The following TASP1 variants were observed in gnomAD, a reference collection of about 807,000 sequenced individuals.
TASP1 encodes the protein taspase 1.
In TASP1, 16 loss-of-function variants were observed where a neutral mutation model predicts 56.6. That is an observed-to-expected ratio of 0.28 (90% CI 0.19 to 0.43). TASP1 has a LOEUF of 0.43. TASP1 is among the 20% of genes least tolerant of loss of function. The probability of loss-of-function intolerance (pLI) is 1.00; values close to 1 mark genes in which losing one functional copy is unlikely to be tolerated. For synonymous variants in TASP1, 179 were observed against 184.2 expected (o/e 0.97, Z 0.23); for missense variants, 393 against 511.6 (o/e 0.77, Z 2.24).
At chr20:13,266,292 G>A in the TASP1 span, among the ~76,000 whole-genome samples, 2 of 152,176 alleles carry the variant, frequency 1.3e-5, no homozygotes, top group Non-Finnish European at 2.9e-5. Flanking sequence ...GTAAGAAGAG[G>A]ATATTTTTAT....
chr20:13,449,681 G>A (rs1264329220), intron 11 of TASP1, among the ~76,000 whole-genome samples: 1 of 152,078 alleles, frequency 6.6e-6, no homozygotes, highest in East Asian at 1.9e-4. Flanking sequence ...TCACTTTGAT[G>A]ATTGTACTGA....
the TASP1 span, among the ~76,000 whole-genome samples, chr20:13,340,429 T>C: frequency 6.6e-6 from 1 of 152,168 alleles, no homozygotes; most frequent in South Asian, 2.1e-4. Context: ...TTCTAACTGA[T>C]ACTCCCAACT....
rs1196714115 is a variant in TASP1, at chr20:13,630,013, A to G, written c.66T>C (p.Ala22=). The part of the protein sequence containing the change: ...GLPSRSSQVS[A]GKITAKELET... The stretch of plus-strand genomic sequence containing the variant: ...CCAACTCTTTGGCTGTTATTTTACC[A>G]GCCGAAACCTGAGATGATCTGGAAG... The change falls in exon 2 of 14, where the codon GCT becomes GCC. Residue 22 remains alanine (A), a synonymous_variant. Coordinates refer to ENST00000337743, the MANE Select transcript of TASP1 (RefSeq NM_017714.3). The G allele has an allele frequency of 1.9e-6, 3 of 1,614,054 alleles. No individual in the cohort carries two copies. Among genetic ancestry groups the G allele is most frequent in the Admixed American group, 3.3e-5 (2 of 59,992 alleles).
At chr20:13,183,761 G>A in the TASP1 span, among the ~76,000 whole-genome samples, 1 of 152,160 alleles carries the variant, frequency 6.6e-6, no homozygotes, top group Admixed American at 6.5e-5. Context: ...CGGGCGTGGT[G>A]GCTCACGCCT....
intron 1 of TASP1, among the ~76,000 whole-genome samples, chr20:13,637,001 T>C (rs1309961732): frequency 6.6e-6 from 1 of 152,204 alleles, no homozygotes; most frequent in Admixed American, 6.5e-5. Flanking sequence ...TTGCAAATCA[T>C]GTATCTGGAA....
At chr20:13,584,821 T>C (rs983166400) in intron 5 of TASP1, among the ~76,000 whole-genome samples, 1 of 152,078 alleles carries the variant, frequency 6.6e-6, no homozygotes, top group Non-Finnish European at 1.5e-5. Flanking sequence ...TCATATGAAA[T>C]AGACAAATTC....
At chr20:13,237,637 G>C in the TASP1 span, among the ~76,000 whole-genome samples, 1 of 152,170 alleles carries the variant, frequency 6.6e-6, no homozygotes, top group South Asian at 2.1e-4. Flanking sequence ...GGTTGCCTAG[G>C]TGTCTTCAGT....
chr20:13,153,896 G>A, the TASP1 span: 2 of 1,425,712 alleles, frequency 1.4e-6, no homozygotes, highest in Non-Finnish European at 1.9e-6. Context: ...CTCCCAGCTA[G>A]TGCTGCTGGC....
chr20:13,567,457 A>C (rs1235931462), intron 7 of TASP1, among the ~76,000 whole-genome samples: 1 of 152,190 alleles, frequency 6.6e-6, no homozygotes, highest in Non-Finnish European at 1.5e-5. Flanking sequence ...AATAAAATAC[A>C]GAAAATGTGA....
intron 7 of TASP1, among the ~76,000 whole-genome samples, chr20:13,560,092 A>G (rs899764503): frequency 1.3e-5 from 2 of 152,234 alleles, no homozygotes; most frequent in Non-Finnish European, 2.9e-5. Flanking sequence ...AATCAATAAA[A>G]TAATCAAAAT....
In TASP1 at chr20:13,598,803, T is replaced by G. The variant is rs1203484109; in HGVS notation, c.283-11433A>C. Among the ~76,000 whole-genome samples the G allele has an allele frequency of 5.3e-5, 8 of 152,134 alleles. No individual in the cohort carries two copies. The South Asian group carries it at 6.2e-4, about 12-fold the overall frequency. On this transcript the variant is annotated intron_variant, in intron 4 of 13. Transcript: ENST00000337743. Reference sequence around the variant, plus strand: ...CTACTCATCTGACAAAGGGCTAATATCCAGAATCTGCAAAGAACTTAAATA... The same window carrying G: ...CTACTCATCTGACAAAGGGCTAATAGCCAGAATCTGCAAAGAACTTAAATA...
intron 10 of TASP1, among the ~76,000 whole-genome samples, chr20:13,516,283 T>G (rs2044529321): frequency 1.3e-5 from 2 of 152,108 alleles, no homozygotes; most frequent in African/African-American, 4.8e-5. Flanking sequence ...AAGCAGCATG[T>G]CACAAAGAAA....
intron 11 of TASP1, among the ~76,000 whole-genome samples, chr20:13,472,851 A>T (rs143127873): frequency 0.01 from 1,577 of 151,640 alleles, 65 homozygotes; most frequent in African/African-American, 0.037. Context: ...GTTGGAGAGG[A>T]TGTGGAGAAA....
the TASP1 span, among the ~76,000 whole-genome samples, chr20:13,218,308 A>G: frequency 6.6e-6 from 1 of 152,060 alleles, no homozygotes; most frequent in Admixed American, 6.6e-5. Context: ...GAGTGTGTGC[A>G]GATAATCACT....
the TASP1 span, among the ~76,000 whole-genome samples, chr20:13,204,267 C>T: frequency 3.9e-5 from 6 of 152,120 alleles, no homozygotes; most frequent in Non-Finnish European, 8.8e-5. Flanking sequence ...GACAGAGACT[C>T]CTCAGAGGGC....
At chr20:13,256,225 A>G in the TASP1 span, among the ~76,000 whole-genome samples, 1 of 151,408 alleles carries the variant, frequency 6.6e-6, no homozygotes, top group Non-Finnish European at 1.5e-5. Flanking sequence ...GTGAAACCCC[A>G]TTTTTACTAA....
At chr20:13,584,176 T>C (rs1213873171) in intron 5 of TASP1, among the ~76,000 whole-genome samples, 1 of 152,176 alleles carries the variant, frequency 6.6e-6, no homozygotes, top group Non-Finnish European at 1.5e-5. Context: ...TGTTATTCAA[T>C]TAACTATGTA....
At chr20:13,340,397 G>A in the TASP1 span, among the ~76,000 whole-genome samples, 1 of 151,954 alleles carries the variant, frequency 6.6e-6, no homozygotes, top group Non-Finnish European at 1.5e-5. Context: ...ACTACTGATT[G>A]GGTTTTCTGT....
the TASP1 span, among the ~76,000 whole-genome samples, chr20:13,133,339 C>A: frequency 2.6e-5 from 4 of 151,886 alleles, no homozygotes; most frequent in Admixed American, 6.6e-5. Context: ...GTCCAGGGAC[C>A]AGCCTTTGAG....
Sources: gnomAD v4.1 joint callset for allele counts (sites outside exome capture counted in the v4.1 genomes callset) on GRCh38, gnomAD v4.1.1 for gene constraint, MANE v1.5 for transcripts, NCBI Gene and HGNC (gene_info 2026-07-23, HGNC 2026-07-21) for gene names.